The following FHL2 variants were observed in gnomAD, a reference collection of about 807,000 sequenced individuals.
FHL2 encodes four and a half LIM domains protein 2.
In FHL2, 20 loss-of-function variants were observed where a neutral mutation model predicts 32.7. That is an observed-to-expected ratio of 0.61 (90% CI 0.43 to 0.89). FHL2 has a LOEUF of 0.89. FHL2 is among the 40% of genes least tolerant of loss of function. The pLI is 0.00. For synonymous variants in FHL2, 123 were observed against 128.1 expected (o/e 0.96, Z 0.27); for missense variants, 311 against 358.6 (o/e 0.87, Z 1.07).
intron 3 of FHL2, among the ~76,000 whole-genome samples, chr2:105,381,847 A>G (rs1681916636): frequency 6.6e-6 from 1 of 152,132 alleles, no homozygotes; most frequent in Admixed American, 6.6e-5. Flanking sequence ...GGCAGGCTGG[A>G]CCCTGAGAAT....
Position 105,396,643 on chromosome 2 carries a change from T to TCAC in FHL2, c.-25+1_-25+3dup, listed in dbSNP as rs1683147644. On this transcript the variant is annotated splice_donor_region_variant and intron_variant, in intron 2 of 6. Coordinates refer to ENST00000530340, the MANE Select transcript of FHL2 (RefSeq NM_001318895.3). ...GGATAACAGAGGAAATTCACTTGAC[T>TCAC]CACCCCAAAGTCAAAATGCCAGCCT... is the stretch of plus-strand genomic sequence containing the variant. The TCAC allele has an allele frequency of 6.2e-7, 1 of 1,612,318 alleles. No individual in the cohort carries two copies. The highest frequency in any genetic ancestry group is 2.2e-5 in the East Asian group (1 of 44,884).
chr2:105,400,686 A>ATTTTTTTTTTTTTTTTTTT (rs57296524), upstream of FHL2, among the ~76,000 whole-genome samples: 1 of 132,806 alleles, frequency 7.5e-6, no homozygotes, highest in Non-Finnish European at 1.6e-5. Flanking sequence ...TTATATTTTA[A>ATTTTTTTTTTTTTTTTTTT]TTTTTTTTTT....
chr2:105,434,694 A>G (rs1323383155), intron 1 of FHL2, among the ~76,000 whole-genome samples: 2 of 152,242 alleles, frequency 1.3e-5, no homozygotes, highest in African/African-American at 2.4e-5. Flanking sequence ...TAATAACAAA[A>G]TTAATAATAA....
At chr2:105,404,795 T>TA (rs1243040484) in intron 1 of FHL2, among the ~76,000 whole-genome samples, 2 of 152,232 alleles carry the variant, frequency 1.3e-5, no homozygotes, top group African/African-American at 4.8e-5. Flanking sequence ...TTTCTTGAGA[T>TA]ACACAATTTC....
At chr2:105,371,799 A>G (rs1158861602) in intron 4 of FHL2, among the ~76,000 whole-genome samples, 1 of 152,158 alleles carries the variant, frequency 6.6e-6, no homozygotes, top group Non-Finnish European at 1.5e-5. Flanking sequence ...TAAGGGTTTA[A>G]TTTGTTTTTC....
chr2:105,377,849 G>GGTC, intron 3 of FHL2: 6 of 354,104 alleles, frequency 1.7e-5, no homozygotes, highest in East Asian at 7.5e-5. Context: ...GGAGATCCTT[G>GGTC]GCCTCTCTCT....
intron 3 of FHL2, 92 bp downstream of exon 3, chr2:105,386,269 T>G: frequency 1.4e-6 from 2 of 1,454,034 alleles, no homozygotes; most frequent in Non-Finnish European, 1.9e-6. Context: ...GAGACAGACT[T>G]CAGTGGTGGA....
intron 1 of FHL2, among the ~76,000 whole-genome samples, chr2:105,437,896 C>T (rs1684659858): frequency 6.6e-6 from 1 of 152,224 alleles, no homozygotes; most frequent in Non-Finnish European, 1.5e-5. Context: ...CATAAACACA[C>T]TTTCCCAGAG....
At chr2:105,384,983 G>A (rs1004609436) in intron 3 of FHL2, among the ~76,000 whole-genome samples, 1 of 152,216 alleles carries the variant, frequency 6.6e-6, no homozygotes, top group South Asian at 2.1e-4. Context: ...GTCGTCAGGT[G>A]CAGTGAGACA....
At chr2:105,402,976 C>A (rs78482078), upstream of FHL2, among the ~76,000 whole-genome samples, 1 of 152,178 alleles carries the variant, frequency 6.6e-6, no homozygotes, top group Non-Finnish European at 1.5e-5. Context: ...GGATTTGAAT[C>A]TCTGTTCTAT....
intron 1 of FHL2, among the ~76,000 whole-genome samples, chr2:105,420,626 G>A (rs1388764997): frequency 2.0e-5 from 3 of 152,170 alleles, no homozygotes; most frequent in Admixed American, 2.0e-4. Context: ...AACTAGTGCA[G>A]ATATCCCTAA....
chr2:105,406,347 G>C (rs1384038560), intron 1 of FHL2, among the ~76,000 whole-genome samples: 1 of 152,306 alleles, frequency 6.6e-6, no homozygotes, highest in East Asian at 1.9e-4. Flanking sequence ...AGTAAGACCA[G>C]AGGAGTCATT....
chr2:105,363,003 C>A, intron 6 of FHL2: 1 of 388,270 alleles, frequency 2.6e-6, no homozygotes, highest in Non-Finnish European at 4.7e-6. Flanking sequence ...CACAGGCTCA[C>A]AGACTGCAGT....
chr2:105,406,428 T>A (rs1015408338), intron 1 of FHL2, among the ~76,000 whole-genome samples: 2 of 150,842 alleles, frequency 1.3e-5, no homozygotes, highest in Admixed American at 6.6e-5. Context: ...CATGTAGCCA[T>A]CTTTAAACTC....
At chr2:105,365,072 C>T (rs1035622913) in intron 5 of FHL2, among the ~76,000 whole-genome samples, 3 of 152,170 alleles carry the variant, frequency 2.0e-5, no homozygotes, top group Admixed American at 1.3e-4. Flanking sequence ...TCCCTTGCTC[C>T]GGATTCCATG....
At chr2:105,393,775 G>C (rs1285909064) in intron 2 of FHL2, among the ~76,000 whole-genome samples, 1 of 152,240 alleles carries the variant, frequency 6.6e-6, no homozygotes, top group Non-Finnish European at 1.5e-5. Context: ...CATGTAATGT[G>C]GTTTGGCATA....
chr2:105,379,835 T>C (rs79317063), intron 3 of FHL2, among the ~76,000 whole-genome samples: 1,861 of 152,356 alleles, frequency 0.012, 31 homozygotes, highest in African/African-American at 0.042. Context: ...TCATCTGTTC[T>C]GCAAAGCTTC....
chr2:105,363,369 C>G lies in FHL2; in HGVS notation c.604G>C (p.Ala202Pro). The G allele has an allele frequency of 6.2e-7, 1 of 1,614,178 alleles. No homozygotes were observed. Among genetic ancestry groups the G allele is most frequent in the Non-Finnish European group, 8.5e-7 (1 of 1,180,034 alleles). Residue 202 changes from alanine (A) to proline (P), a missense_variant, in exon 6 of 7, where the codon GCT becomes CCT. Coordinates refer to ENST00000530340, the MANE Select transcript of FHL2 (RefSeq NM_001318895.3). ...AGGCAGTAGGCAAAGTCATCGCGAG[C>G]TGTGAAGCGCTGCCCAGACAGCTGC... ...RKQLSGQRFT[A>P]RDDFAYCLNC...
chr2:105,435,840 T>C (rs912710994), intron 1 of FHL2, among the ~76,000 whole-genome samples: 1 of 152,068 alleles, frequency 6.6e-6, no homozygotes. Flanking sequence ...AATAAATAAA[T>C]AAACAAACAA....
Sources: gnomAD v4.1 joint callset for allele counts (sites outside exome capture counted in the v4.1 genomes callset) on GRCh38, gnomAD v4.1.1 for gene constraint, MANE v1.5 for transcripts, NCBI Gene and HGNC (gene_info 2026-07-23, HGNC 2026-07-21) for gene names.